Variants in RAPGEF4 observed in about 807,000 individuals in gnomAD.
RAPGEF4 encodes the protein RAP guanine-nucleotide-exchange factor (GEF) 4.
In RAPGEF4, 66 loss-of-function variants were observed where a neutral mutation model predicts 147.9. The ratio of observed to expected loss-of-function variants is 0.45; its 90% CI spans 0.37 to 0.55. The LOEUF (loss-of-function observed/expected upper bound fraction) is 0.55, where lower values mean the gene tolerates loss of function less well. Among genes scored for constraint, RAPGEF4 ranks in the 20% least tolerant of loss-of-function variants. The pLI is 0.00. For missense variants in RAPGEF4, 1,071 were observed against 1,257.3 expected (o/e 0.85, Z 2.24); for synonymous variants, 419 against 442.7 (o/e 0.95, Z 0.67).
intron 24 of RAPGEF4, 146 bp downstream of exon 24, chr2:173,026,843 G>A (rs1234498366): frequency 4.2e-6 from 5 of 1,185,582 alleles, no homozygotes; most frequent in Non-Finnish European, 5.8e-6. Flanking sequence ...AATAAAGCAT[G>A]CTATAAAGCC....
chr2:172,775,955 T>G (rs963776046), intron 1 of RAPGEF4, among the ~76,000 whole-genome samples: 4 of 152,188 alleles, frequency 2.6e-5, no homozygotes, highest in Non-Finnish European at 5.9e-5. Context: ...GTCAGAGCCA[T>G]GAAGAGTACT....
chr2:172,839,958 A>AT (rs752615904), intron 4 of RAPGEF4, among the ~76,000 whole-genome samples: 5 of 152,224 alleles, frequency 3.3e-5, no homozygotes, highest in Non-Finnish European at 5.9e-5. Flanking sequence ...AGGAACATGT[A>AT]TGGGTCAAGA....
chr2:172,832,580 T>C (rs1168095384), intron 4 of RAPGEF4, among the ~76,000 whole-genome samples: 1 of 152,242 alleles, frequency 6.6e-6, no homozygotes, highest in East Asian at 1.9e-4. Context: ...AATGCAAATA[T>C]AAGACCATTT....
At chr2:172,883,326 C>T (rs1696825917) in intron 4 of RAPGEF4, among the ~76,000 whole-genome samples, 1 of 152,022 alleles carries the variant, frequency 6.6e-6, no homozygotes, top group Non-Finnish European at 1.5e-5. Flanking sequence ...AGCATGCTTG[C>T]AAGAGAGGGC....
chr2:173,011,514 A>G (rs113036605), intron 17 of RAPGEF4, among the ~76,000 whole-genome samples: 6 of 152,294 alleles, frequency 3.9e-5, no homozygotes, highest in African/African-American at 1.4e-4. Context: ...AGCTCTATAC[A>G]CATGTTATCA....
intron 1 of RAPGEF4, among the ~76,000 whole-genome samples, chr2:172,747,530 A>G (rs1363607040): frequency 6.6e-6 from 1 of 152,210 alleles, no homozygotes; most frequent in Non-Finnish European, 1.5e-5. Context: ...GCAGTGGCAC[A>G]ATCATAGCTA....
chr2:172,904,865 C>T (rs1377187120), intron 4 of RAPGEF4, among the ~76,000 whole-genome samples: 7 of 151,872 alleles, frequency 4.6e-5, no homozygotes, highest in East Asian at 1.9e-4. Flanking sequence ...GCAGGCAGGG[C>T]GATCTTTTAA....
chr2:172,788,344 T>C lies in RAPGEF4; in HGVS notation c.66-6681T>C, dbSNP rs1279381500. 2.6e-5 allele frequency among the ~76,000 whole-genome samples: 4 copies of C among 152,154 alleles called. No homozygotes were observed. In the East Asian group the frequency reaches 5.8e-4, roughly 22 times the overall value. ...AGATGCCAAAAAGAGATGTTATCAA[T>C]TGGATTTCAGAGAAGAGAAAACGTT... On this transcript the variant is annotated intron_variant, in intron 1 of 30. Transcript: ENST00000397081.
intron 1 of RAPGEF4, among the ~76,000 whole-genome samples, chr2:172,776,898 T>G (rs1169373904): frequency 6.6e-6 from 1 of 152,226 alleles, no homozygotes; most frequent in East Asian, 1.9e-4. Context: ...GGTTTGCTAT[T>G]TCAACATTTC....
intron 2 of RAPGEF4, among the ~76,000 whole-genome samples, chr2:172,795,498 A>T (rs1433318704): frequency 1.3e-5 from 2 of 152,236 alleles, no homozygotes; most frequent in African/African-American, 4.8e-5. Context: ...GGCCAATAGG[A>T]TATTAAGATA....
intron 1 of RAPGEF4, among the ~76,000 whole-genome samples, chr2:172,766,532 C>A: frequency 6.6e-6 from 1 of 151,708 alleles, no homozygotes; most frequent in Non-Finnish European, 1.5e-5. Flanking sequence ...TGGAGTGAGA[C>A]TCTGTCTCAA....
At chr2:172,761,432 G>A (rs759698725) in intron 1 of RAPGEF4, among the ~76,000 whole-genome samples, 18 of 151,988 alleles carry the variant, frequency 1.2e-4, no homozygotes, top group Admixed American at 3.9e-4. Context: ...GTGAGCCACC[G>A]TGCCCGGCCT....
At chr2:172,796,542 G>A (rs766718109) in intron 2 of RAPGEF4, among the ~76,000 whole-genome samples, 5 of 152,080 alleles carry the variant, frequency 3.3e-5, no homozygotes, top group Non-Finnish European at 5.9e-5. Flanking sequence ...CCGAGATTGC[G>A]CCATTGCACT....
intron 4 of RAPGEF4, among the ~76,000 whole-genome samples, chr2:172,908,532 A>C (rs1262203407): frequency 6.6e-6 from 1 of 152,234 alleles, no homozygotes; most frequent in Non-Finnish European, 1.5e-5. Context: ...CTTCGTAGAC[A>C]AATCCTAAAT....
At chr2:172,886,978 A>G (rs1186113776) in intron 4 of RAPGEF4, among the ~76,000 whole-genome samples, 1 of 152,150 alleles carries the variant, frequency 6.6e-6, no homozygotes, top group African/African-American at 2.4e-5. Flanking sequence ...ACCTGAAGTC[A>G]GGAGTTTGAC....
rs544039542 is a variant in RAPGEF4, at chr2:172,774,944, T to G, written c.66-20081T>G. ...TCTCTGCTTTGGTGAAGAAAAACTG[T>G]GGGATGAAGATGCTTCCTGTTTTGC... On this transcript the variant is annotated intron_variant, in intron 1 of 30. Transcript: ENST00000397081. Among the ~76,000 whole-genome samples the G allele has an allele frequency of 1.6e-3, 250 of 152,284 alleles. 1 individual carries two copies. The highest frequency in any genetic ancestry group is 2.9e-3 in the Admixed American group (45 of 15,300).
chr2:172,755,660 T>A (rs1695701407), intron 1 of RAPGEF4, among the ~76,000 whole-genome samples: 2 of 152,282 alleles, frequency 1.3e-5, no homozygotes, highest in Middle Eastern at 3.4e-3. Flanking sequence ...CCTCCCAAAG[T>A]GCTGGGATTA....
intron 3 of RAPGEF4, among the ~76,000 whole-genome samples, chr2:172,811,747 T>C (rs886511353): frequency 7.2e-5 from 11 of 152,176 alleles, no homozygotes; most frequent in Admixed American, 7.2e-4. Flanking sequence ...TTCTTCTACA[T>C]CCACTCATAT....
intron 10 of RAPGEF4, among the ~76,000 whole-genome samples, chr2:172,972,211 C>T (rs187675908): frequency 6.6e-6 from 1 of 152,080 alleles, no homozygotes; most frequent in South Asian, 2.1e-4. Context: ...CTAGAGGGCG[C>T]GTGAGAGCCT....
Sources: allele counts gnomAD v4.1 joint callset (sites outside exome capture counted in the v4.1 genomes callset), GRCh38; gene constraint gnomAD v4.1.1; transcripts MANE v1.5; gene names NCBI Gene and HGNC (gene_info 2026-07-23, HGNC 2026-07-21).